Variants in SYNPO2 observed in about 807,000 individuals in gnomAD.
The protein encoded by SYNPO2 is synaptopodin 2.
SYNPO2 carries 56 observed loss-of-function variants against 85.0 expected under a neutral mutation model. The ratio of observed to expected loss-of-function variants is 0.66; its 90% CI spans 0.53 to 0.82. The LOEUF is 0.82. Ranked by LOEUF, SYNPO2 falls within the 40% of genes least tolerant of loss-of-function variation. The pLI is 0.00. For synonymous variants in SYNPO2, 602 were observed against 591.1 expected (o/e 1.02, Z -0.27); for missense variants, 1,575 against 1,534.2 (o/e 1.03, Z -0.44).
intron 1 of SYNPO2, among the ~76,000 whole-genome samples, chr4:119,016,557 A>T (rs1737535028): frequency 6.6e-6 from 1 of 152,160 alleles, no homozygotes; most frequent in East Asian, 1.9e-4. Context: ...GGAGTTTTTT[A>T]AAAAGTATTT....
chr4:118,967,825 T>A (rs1416896973), intron 1 of SYNPO2, among the ~76,000 whole-genome samples: 1 of 151,006 alleles, frequency 6.6e-6, no homozygotes. Flanking sequence ...TTGATTTGGC[T>A]TTTTAATTCT....
At chr4:119,035,986 G>A in intron 4 of SYNPO2, 2 of 985,400 alleles carry the variant, frequency 2.0e-6, no homozygotes, top group Non-Finnish European at 1.2e-6. Flanking sequence ...ACCCTCCTAA[G>A]AGCAGAAGAC....
rs70944828 is a variant in SYNPO2, at chr4:119,058,464, CTTTTTTTTTTTTT to C, written c.*544_*556del. 30 of 109,358 alleles carry C rather than the reference CTTTTTTTTTTTTT, an allele frequency of 2.7e-4. No homozygotes were observed. The highest frequency in any genetic ancestry group is 6.7e-4 in the South Asian group (2 of 2,992). The allele number at this position is 109,358 out of a possible 1,614,324, so 6.8% of individuals were successfully genotyped here. On this transcript the variant is annotated 3_prime_UTR_variant, in exon 5 of 5. Coordinates refer to ENST00000307142, the MANE Select transcript of SYNPO2 (RefSeq NM_133477.3). ...CTTGGTGTTAAGTATTTCTCTGCAA[CTTTTTTTTTTTTT>C]TTTTTTTTTTTTTGAGATGGAGTCT...
chr4:118,930,917 CAAAAAAA>C (rs55944813), intron 1 of SYNPO2, among the ~76,000 whole-genome samples: 4 of 124,772 alleles, frequency 3.2e-5, no homozygotes, highest in Non-Finnish European at 6.7e-5. Flanking sequence ...TACCTTGCCT[CAAAAAAA>C]AAAAAAAAAA....
chr4:118,867,705 A>G (rs1731725195), intron 1 of SYNPO2, among the ~76,000 whole-genome samples: 1 of 151,498 alleles, frequency 6.6e-6, no homozygotes, highest in African/African-American at 2.4e-5. Context: ...CTTCTGAAAA[A>G]ATTATATGCC....
chr4:118,956,928 C>T (rs1734898224), intron 1 of SYNPO2, among the ~76,000 whole-genome samples: 1 of 151,812 alleles, frequency 6.6e-6, no homozygotes, highest in South Asian at 2.1e-4. Context: ...GCCTATAATC[C>T]CAGCTACTTG....
At position 119,030,626 on chromosome 4, in the gene SYNPO2, T is replaced by G. The variant is rs1738191771; in HGVS notation, c.1851T>G (p.Pro617=). The G allele has an allele frequency of 6.2e-7, 1 of 1,614,004 alleles. No homozygotes were observed. The highest frequency in any genetic ancestry group is 8.5e-7 in the Non-Finnish European group (1 of 1,180,038). The part of the protein sequence containing the change: ...RNMTSPIADF[P]APPPYSAVTP... ...TGACGAGTCCCATTGCTGACTTTCC[T>G]GCACCTCCACCTTACTCTGCAGTCA... The change falls in exon 4 of 5, where the codon CCT becomes CCG. Residue 617 remains proline (P), a synonymous_variant. Coordinates refer to ENST00000307142, the MANE Select transcript of SYNPO2 (RefSeq NM_133477.3).
At chr4:118,990,502 G>A (rs1170526837) in intron 1 of SYNPO2, among the ~76,000 whole-genome samples, 3 of 152,186 alleles carry the variant, frequency 2.0e-5, no homozygotes, top group Admixed American at 2.0e-4. Flanking sequence ...AAACAGACAT[G>A]GTCCTTGTTC....
In SYNPO2 at chr4:119,026,976, C is replaced by A; in HGVS notation, c.607C>A (p.Leu203Ile). Reference sequence around the variant, plus strand: ...GCCTGTGGTTGAGCTGCAACTGTCCCTTTCACAGGAGAGACATAAGGGCGC... The same window carrying A: ...GCCTGTGGTTGAGCTGCAACTGTCCATTTCACAGGAGAGACATAAGGGCGC... ...PGPVVELQLSLSQERHKGASG... is the reference protein window; with the variant it reads ...PGPVVELQLSISQERHKGASG... Residue 203 changes from leucine (L) to isoleucine (I), a missense_variant, in exon 3 of 5, where the codon CTT (leucine) becomes ATT (isoleucine). Transcript: ENST00000307142. The A allele has an allele frequency of 6.2e-7, 1 of 1,614,166 alleles. No individual in the cohort carries two copies. The highest frequency in any genetic ancestry group is 1.1e-5 in the South Asian group (1 of 91,074).
At position 118,869,263 on chromosome 4, in the gene SYNPO2, G is replaced by C. The variant is rs530101213; in HGVS notation, c.12+18323G>C. ...AGTAGAGTCGGGGTTTCTCTATGTT[G>C]GTCAGGCTGGTCTCAAACTCTTCAC... On this transcript the variant is annotated intron_variant, in intron 1 of 4. Coordinates refer to the SYNPO2 transcript ENST00000610556. 2.4e-3 allele frequency among the ~76,000 whole-genome samples: 358 copies of C among 152,050 alleles called. 3 individuals are homozygous for C. The highest frequency in any genetic ancestry group is 8.4e-3 in the African/African-American group (347 of 41,456).
rs192878223 is a variant in SYNPO2 at position 119,021,006 on chromosome 4, T to C, written c.106-2424T>C. Among the ~76,000 whole-genome samples, 412 of 152,348 alleles carry C rather than the reference T, an allele frequency of 2.7e-3. 4 individuals are homozygous for C. Among genetic ancestry groups the C allele is most frequent in the Admixed American group, 3.5e-3 (53 of 15,300 alleles). On this transcript the variant is annotated intron_variant, in intron 1 of 4. Transcript: ENST00000307142. ...GTTCATTTAATATTTTCTAATAAAT[T>C]AGTGTTTTCCAATAAATTAGTATAT...
chr4:118,979,377 G>A (rs1735919946), intron 1 of SYNPO2, among the ~76,000 whole-genome samples: 2 of 152,120 alleles, frequency 1.3e-5, no homozygotes, highest in Non-Finnish European at 2.9e-5. Flanking sequence ...CGGGTCTCAA[G>A]GTAATTTACT....
chr4:118,913,179 A>T (rs1162051493), intron 1 of SYNPO2, among the ~76,000 whole-genome samples: 1 of 152,240 alleles, frequency 6.6e-6, no homozygotes, highest in Non-Finnish European at 1.5e-5. Flanking sequence ...CTATTATACA[A>T]GATGACAAGG....
At chr4:119,052,213 T>C (rs1227061367) in intron 4 of SYNPO2, among the ~76,000 whole-genome samples, 1 of 152,082 alleles carries the variant, frequency 6.6e-6, no homozygotes, top group Non-Finnish European at 1.5e-5. Flanking sequence ...ATGATGTGAG[T>C]GTTCCCCATG....
intron 1 of SYNPO2, among the ~76,000 whole-genome samples, chr4:118,946,170 A>C (rs371179362): frequency 1.1e-4 from 16 of 152,344 alleles, no homozygotes; most frequent in African/African-American, 3.4e-4. Context: ...ATTGAAAGAA[A>C]AAAAAAGGGA....
At chr4:118,922,214 G>A (rs1278882806) in intron 1 of SYNPO2, among the ~76,000 whole-genome samples, 1 of 150,464 alleles carries the variant, frequency 6.6e-6, no homozygotes, top group Non-Finnish European at 1.5e-5. Flanking sequence ...GTGTAGATTT[G>A]TTACTCTGGA....
chr4:119,004,106 C>A (rs1736922392), intron 1 of SYNPO2, among the ~76,000 whole-genome samples: 1 of 152,192 alleles, frequency 6.6e-6, no homozygotes. Flanking sequence ...TACTGTTCCA[C>A]AAATTCCTAA....
At chr4:118,984,211 C>T (rs1158533625) in intron 1 of SYNPO2, among the ~76,000 whole-genome samples, 2 of 152,116 alleles carry the variant, frequency 1.3e-5, no homozygotes. Flanking sequence ...AAACTGGTAA[C>T]ATTAGTTGCT....
intron 4 of SYNPO2, chr4:119,036,266 C>T (rs1738506262): frequency 1.0e-6 from 1 of 985,266 alleles, no homozygotes; most frequent in Non-Finnish European, 1.2e-6. Flanking sequence ...TGCTCATTCT[C>T]TTTAAAATCA....
Sources: gnomAD v4.1 joint callset for allele counts (sites outside exome capture counted in the v4.1 genomes callset) on GRCh38, gnomAD v4.1.1 for gene constraint, MANE v1.5 for transcripts, NCBI Gene and HGNC (gene_info 2026-07-23, HGNC 2026-07-21) for gene names.